Variants in KCTD2 observed in about 807,000 individuals in gnomAD.
KCTD2 encodes the protein potassium channel tetramerization domain containing 2, also known as BTB/POZ domain-containing protein KCTD2.
KCTD2 carries 18 observed loss-of-function variants against 27.9 expected under a neutral mutation model. The ratio of observed to expected loss-of-function variants is 0.64; its 90% CI spans 0.45 to 0.96. The LOEUF (loss-of-function observed/expected upper bound fraction) is 0.96. Ranked by LOEUF, KCTD2 falls within the 40% of genes least tolerant of loss-of-function variation. KCTD2 has a pLI of 0.00. For synonymous variants in KCTD2, 175 were observed against 148.4 expected (o/e 1.18, Z -1.30); for missense variants, 280 against 348.0 (o/e 0.80, Z 1.56).
chr17:75,038,729 G>C (rs746443842), intron 3 of KCTD2: 30 of 562,290 alleles, frequency 5.3e-5, no homozygotes, highest in Admixed American at 1.8e-4. Flanking sequence ...CGCCTACACA[G>C]CCCGTCAGAC....
chr17:75,054,207 C>G (rs908470563), intron 3 of KCTD2, among the ~76,000 whole-genome samples: 1 of 151,268 alleles, frequency 6.6e-6, no homozygotes, highest in Non-Finnish European at 1.5e-5. Flanking sequence ...TGGGTAGAAA[C>G]GAGCCTTGTT....
chr17:75,062,509 T>G (rs1055986463), intron 5 of KCTD2, among the ~76,000 whole-genome samples: 5 of 152,144 alleles, frequency 3.3e-5, no homozygotes, highest in African/African-American at 1.2e-4. Context: ...GAAAAGCTGG[T>G]TGCCACTAAT....
chr17:75,053,858 C>CTTTTTTTTT lies in KCTD2; in HGVS notation c.540+771_540+779dup, dbSNP rs71159419. Among the ~76,000 whole-genome samples, 418 of 59,306 alleles carry CTTTTTTTTT rather than the reference C, an allele frequency of 7.0e-3. 112 individuals are homozygous for CTTTTTTTTT. Among genetic ancestry groups the CTTTTTTTTT allele is most frequent in the African/African-American group, 0.035 (358 of 10,340 alleles). 38.9% of individuals were successfully genotyped at this position (59,306 alleles called of 152,430 possible). A position where few individuals can be genotyped will look rare whatever the true frequency, so the allele number is the denominator to read the frequency against. On this transcript the variant is annotated intron_variant, in intron 3 of 5. Transcript: ENST00000322444. ...CTTCAGCAGCTGCTTGTGAACCATG[C>CTTTTTTTTT]TTTTTTTTTTTTTTTTTTTTTTTTT...
intron 3 of KCTD2, chr17:75,039,897 T>C: frequency 1.6e-6 from 1 of 643,796 alleles, no homozygotes; most frequent in South Asian, 1.9e-5. Flanking sequence ...TGCTATACTC[T>C]TCTTTTTCTT....
chr17:75,062,302 G>T, intron 5 of KCTD2, 57 bp downstream of exon 5: 1 of 1,547,440 alleles, frequency 6.5e-7, no homozygotes, highest in East Asian at 2.3e-5. Flanking sequence ...CACCCCCTCC[G>T]TGGGCTTTTC....
intron 3 of KCTD2, chr17:75,040,408 G>T: frequency 2.0e-6 from 1 of 489,156 alleles, no homozygotes; most frequent in Admixed American, 3.7e-5. Flanking sequence ...TCGGAACCCT[G>T]GACAATTCTT....
At position 75,053,047 on chromosome 17, in the gene KCTD2, C is replaced by T. The variant is rs1243356686; in HGVS notation, c.482C>T (p.Ala161Val). 2 of 1,613,996 alleles carry T rather than the reference C, an allele frequency of 1.2e-6. No homozygotes were observed. Among genetic ancestry groups the T allele is most frequent in the Non-Finnish European group, 1.7e-6 (2 of 1,180,014 alleles). ...VLEEAEFYNI[A>V]SLVRLVKERI... Reference sequence around the variant, plus strand: ...GAGGAAGCGGAGTTTTACAACATCGCGTCCCTTGTGCGGCTGGTTAAGGAA... The same window carrying T: ...GAGGAAGCGGAGTTTTACAACATCGTGTCCCTTGTGCGGCTGGTTAAGGAA... The change falls in exon 3 of 6, where the codon GCG becomes GTG. Residue 161 changes from alanine to valine, a missense_variant. Transcript: ENST00000322444.
At chr17:75,057,244 A>G (rs1018569436) in intron 3 of KCTD2, among the ~76,000 whole-genome samples, 41 of 151,554 alleles carry the variant, frequency 2.7e-4, no homozygotes, top group Middle Eastern at 3.4e-3. Context: ...GTGAGCAACC[A>G]TACCCAGACT....
In KCTD2 at chr17:75,047,595, C is replaced by T; in HGVS notation, c.339+6C>T. On this transcript the variant is annotated splice_donor_region_variant and intron_variant, in intron 1 of 5. Coordinates refer to ENST00000322444, the MANE Select transcript of KCTD2 (RefSeq NM_015353.3). ...CGGAGCTGGACTCAGACAAGGTGTG[C>T]CCCGCCCTCGGGCGCGCCCCCGGGC... 5 of 1,605,426 alleles carry T rather than the reference C, an allele frequency of 3.1e-6. No homozygotes were observed. Among genetic ancestry groups the T allele is most frequent in the Non-Finnish European group, 3.4e-6 (4 of 1,176,312 alleles).
chr17:75,039,926 G>A (rs1014615843), intron 3 of KCTD2: 35 of 722,178 alleles, frequency 4.8e-5, no homozygotes, highest in Middle Eastern at 3.0e-4. Context: ...CTTTCACTCC[G>A]CATAATTATT....
Position 75,063,309 on chromosome 17 carries a change from A to G in KCTD2, c.*262A>G, listed in dbSNP as rs2073423244. 2 of 498,326 alleles carry G rather than the reference A, an allele frequency of 4.0e-6. No individual in the cohort carries two copies. Among genetic ancestry groups the G allele is most frequent in the Admixed American group, 3.2e-5 (1 of 31,086 alleles). 30.9% of individuals were successfully genotyped at this position (498,326 alleles called of 1,614,324 possible). A position where few individuals can be genotyped will look rare whatever the true frequency, so the allele number is the denominator to read the frequency against. On this transcript the variant is annotated 3_prime_UTR_variant, in exon 6 of 6. Coordinates refer to ENST00000322444, the MANE Select transcript of KCTD2 (RefSeq NM_015353.3). ...AGCCAGTATTAGAACAGATCTTTAC[A>G]ACAGCAGCTGGGCTGGGTTCCCAGT...
chr17:75,037,164 G>A (rs904881492), intron 3 of KCTD2, among the ~76,000 whole-genome samples: 8 of 152,044 alleles, frequency 5.3e-5, no homozygotes, highest in Admixed American at 3.9e-4. Flanking sequence ...CTAACACGAT[G>A]AAACCCCGTC....
chr17:75,058,977 A>T (rs12949127), intron 3 of KCTD2: 16,298 of 151,998 alleles, frequency 0.11, 1,652 homozygotes, highest in African/African-American at 0.27. Context: ...GGGTGCCTGT[A>T]GTCCCAGCTA....
At chr17:75,047,961 C>T (rs900431179) in intron 1 of KCTD2, among the ~76,000 whole-genome samples, 1 of 152,172 alleles carries the variant, frequency 6.6e-6, no homozygotes, top group African/African-American at 2.4e-5. Context: ...CTGCCGGTGC[C>T]AGATGCATCC....
chr17:75,033,889 A>C (rs1282548131), intron 1 of KCTD2: 2 of 152,342 alleles, frequency 1.3e-5, no homozygotes, highest in Non-Finnish European at 2.9e-5. Context: ...AAGGGATGGC[A>C]CGGCCACGTG....
chr17:75,054,394 G>T (rs1029838612), intron 3 of KCTD2, among the ~76,000 whole-genome samples: 1 of 152,110 alleles, frequency 6.6e-6, no homozygotes, highest in Non-Finnish European at 1.5e-5. Context: ...AAGATGTTAC[G>T]GCACATCTAT....
intron 3 of KCTD2, among the ~76,000 whole-genome samples, chr17:75,057,535 G>C (rs1439549454): frequency 6.6e-6 from 1 of 150,648 alleles, no homozygotes; most frequent in Non-Finnish European, 1.5e-5. Flanking sequence ...TTAGTACTTT[G>C]GTTAATGATA....
Position 75,053,125 on chromosome 17 carries a change from T to A in KCTD2, c.540+20T>A. On this transcript the variant is annotated intron_variant, in intron 3 of 5. Transcript: ENST00000322444. ...TCACAAGTAATGTATTTGGAACTGT[T>A]AAGGAGGGTTGTTTCAAGTGGGCTT... 1 of 1,586,108 alleles carries A rather than the reference T, an allele frequency of 6.3e-7. No homozygotes were observed. Among genetic ancestry groups the A allele is most frequent in the Non-Finnish European group, 8.7e-7 (1 of 1,154,642 alleles).
chr17:75,054,723 T>C (rs147365499), intron 3 of KCTD2, among the ~76,000 whole-genome samples: 3,589 of 151,122 alleles, frequency 0.024, 138 homozygotes, highest in African/African-American at 0.083. Context: ...AGGAGAATGG[T>C]GTGAACCCAG....
Sources: allele counts gnomAD v4.1 joint callset (sites outside exome capture counted in the v4.1 genomes callset), GRCh38; gene constraint gnomAD v4.1.1; transcripts MANE v1.5; gene names NCBI Gene and HGNC (gene_info 2026-07-23, HGNC 2026-07-21).